Variants in CCDC178 observed in about 807,000 individuals in gnomAD.
CCDC178 encodes coiled-coil domain-containing protein 178.
A neutral mutation model predicts 117.4 loss-of-function variants in CCDC178; 126 were observed. The ratio of observed to expected loss-of-function variants is 1.07; its 90% confidence interval spans 0.93 to 1.24. The LOEUF is 1.24. Among genes scored for constraint, CCDC178 ranks in the 50% most tolerant of loss-of-function variants. The pLI is 0.00. For synonymous variants in CCDC178, 283 were observed against 313.4 expected, an observed-to-expected ratio of 0.90 and a Z score of 1.02; for missense variants, 1,030 against 986.9, an observed-to-expected ratio of 1.04 and a Z score of -0.59.
chr18:32,949,932 T>G (rs1474670701), intron 22 of CCDC178, among the ~76,000 whole-genome samples: 1 of 152,160 alleles, frequency 6.6e-6, no homozygotes, highest in African/African-American at 2.4e-5. Context: ...TAGGTGGGAA[T>G]AGAATTACGT....
intron 10 of CCDC178, among the ~76,000 whole-genome samples, chr18:33,325,459 T>C (rs2062571945): frequency 6.6e-6 from 1 of 152,028 alleles, no homozygotes; most frequent in Non-Finnish European, 1.5e-5. Flanking sequence ...TATTGGTAAC[T>C]TATATATGTA....
intron 11 of CCDC178, among the ~76,000 whole-genome samples, chr18:33,319,866 G>A (rs1258981507): frequency 6.6e-6 from 1 of 152,058 alleles, no homozygotes; most frequent in African/African-American, 2.4e-5. Flanking sequence ...CATATCCTTT[G>A]CCAACTTTTT....
intron 21 of CCDC178, among the ~76,000 whole-genome samples, chr18:32,985,341 G>T (rs1321169139): frequency 6.6e-6 from 1 of 151,944 alleles, no homozygotes; most frequent in Non-Finnish European, 1.5e-5. Context: ...CAGCCTAAGT[G>T]TGGAAACTAG....
chr18:33,234,339 C>A (rs528576608), intron 15 of CCDC178, among the ~76,000 whole-genome samples: 43 of 152,180 alleles, frequency 2.8e-4, no homozygotes, highest in African/African-American at 8.7e-4. Context: ...TGATTAATAG[C>A]AGATTCCTTT....
chr18:32,948,231 GA>G lies in CCDC178; in HGVS notation c.2524-10141del, dbSNP rs375674432. Among the ~76,000 whole-genome samples, 204 of 152,064 alleles carry G rather than the reference GA, an allele frequency of 1.3e-3. 1 individual carries two copies. The highest frequency in any genetic ancestry group is 3.7e-3 in the African/African-American group (153 of 41,524). On this transcript the variant is annotated intron_variant, in intron 22 of 22. Transcript: ENST00000383096. ...TTAAAACAAACTTTTCAATTGTTAT[GA>G]AAAAGCGTCTTGGAATTTCGATTCA...
chr18:33,209,860 T>C (rs1182189252), intron 20 of CCDC178, among the ~76,000 whole-genome samples: 1 of 151,892 alleles, frequency 6.6e-6, no homozygotes, highest in Non-Finnish European at 1.5e-5. Flanking sequence ...AAGCAATAGA[T>C]GATTTAACCA....
chr18:33,199,563 C>G (rs546508537), intron 20 of CCDC178, among the ~76,000 whole-genome samples: 1 of 152,308 alleles, frequency 6.6e-6, no homozygotes, highest in Admixed American at 6.5e-5. Flanking sequence ...GGACACCATT[C>G]TAACTTGTTG....
At chr18:33,201,874 C>A (rs146324661) in intron 20 of CCDC178, among the ~76,000 whole-genome samples, 1 of 152,122 alleles carries the variant, frequency 6.6e-6, no homozygotes, top group Non-Finnish European at 1.5e-5. Flanking sequence ...AGCCCCCAAC[C>A]GGTTTACCAA....
In CCDC178 at chr18:33,219,717, T is replaced by C. The variant is rs191138857; in HGVS notation, c.1932+3389A>G. On this transcript the variant is annotated intron_variant, in intron 18 of 22. Transcript: ENST00000383096. ...ACATGTTCTCACTCATAGGTGGGAA[T>C]TGAACAATGAGAACACTTGGACACA... 3.9e-5 allele frequency among the ~76,000 whole-genome samples: 6 copies of C among 151,918 alleles called. No individual in the cohort carries two copies. The South Asian group carries it at 8.3e-4, about 21-fold the overall frequency.
intron 21 of CCDC178, among the ~76,000 whole-genome samples, chr18:32,985,540 A>G (rs905245830): frequency 6.6e-6 from 1 of 151,968 alleles, no homozygotes; most frequent in Non-Finnish European, 1.5e-5. Flanking sequence ...TTATAAACTC[A>G]TTTGCTGGCT....
chr18:33,198,473 A>C (rs969396038), intron 20 of CCDC178, among the ~76,000 whole-genome samples: 7 of 152,176 alleles, frequency 4.6e-5, no homozygotes, highest in African/African-American at 1.4e-4. Flanking sequence ...AAAGCAGGAC[A>C]AGGTGACCTT....
At chr18:33,342,829 C>T (rs145097010) in intron 9 of CCDC178, among the ~76,000 whole-genome samples, 2 of 152,258 alleles carry the variant, frequency 1.3e-5, no homozygotes, top group African/African-American at 4.8e-5. Context: ...GTAGTAATAA[C>T]TGAATAACTG....
At chr18:33,000,944 T>C (rs1256397289) in intron 21 of CCDC178, among the ~76,000 whole-genome samples, 1 of 152,330 alleles carries the variant, frequency 6.6e-6, no homozygotes, top group East Asian at 1.9e-4. Flanking sequence ...GTAATTGTAG[T>C]GTGTAAAGTA....
At chr18:33,051,757 A>T (rs1403057475) in intron 21 of CCDC178, among the ~76,000 whole-genome samples, 1 of 152,092 alleles carries the variant, frequency 6.6e-6, no homozygotes. Flanking sequence ...TGGTCAGCAA[A>T]ACCTCCTTAG....
intron 12 of CCDC178, among the ~76,000 whole-genome samples, chr18:33,277,013 TA>T (rs976653541): frequency 6.6e-6 from 1 of 151,958 alleles, no homozygotes; most frequent in African/African-American, 2.4e-5. Context: ...TTTAAGGGAA[TA>T]AAAAAACTAG....
intron 6 of CCDC178, among the ~76,000 whole-genome samples, chr18:33,365,028 G>A (rs1425831565): frequency 6.6e-6 from 1 of 151,878 alleles, no homozygotes; most frequent in Non-Finnish European, 1.5e-5. Flanking sequence ...AAGGATGACA[G>A]GATAAAAAGT....
intron 21 of CCDC178, among the ~76,000 whole-genome samples, chr18:33,078,249 T>C (rs1281231660): frequency 6.6e-6 from 1 of 152,040 alleles, no homozygotes; most frequent in Non-Finnish European, 1.5e-5. Context: ...TATTAAAAAC[T>C]CCCAATAAAC....
intron 12 of CCDC178, among the ~76,000 whole-genome samples, chr18:33,279,909 C>A (rs2144818459): frequency 6.6e-6 from 1 of 152,174 alleles, no homozygotes; most frequent in Middle Eastern, 3.4e-3. Context: ...ATGTAGAAAG[C>A]TGAAACTGGA....
At chr18:33,000,851 A>G (rs1004191828) in intron 21 of CCDC178, among the ~76,000 whole-genome samples, 1 of 152,238 alleles carries the variant, frequency 6.6e-6, no homozygotes, top group Admixed American at 6.5e-5. Context: ...GAAAGGCATT[A>G]ATAAGCAATA....
Sources: allele counts gnomAD v4.1 joint callset (sites outside exome capture counted in the v4.1 genomes callset), GRCh38; gene constraint gnomAD v4.1.1; transcripts MANE v1.5; gene names NCBI Gene and HGNC (gene_info 2026-07-23, HGNC 2026-07-21).